CD8B2: variants seen among roughly 807,000 people sequenced by gnomAD.
The protein encoded by CD8B2 is CD8B family member 2, also known as T-cell surface glycoprotein CD8 beta-2 chain.
Under a neutral mutation model 23.7 loss-of-function variants are expected in CD8B2, and 11 were observed. The ratio of observed to expected loss-of-function variants is 0.46; its 90% CI spans 0.29 to 0.77. The LOEUF is 0.77. CD8B2 is among the 30% of genes least tolerant of loss of function. The pLI, the probability that CD8B2 is intolerant of heterozygous loss-of-function variation, is 0.09. For synonymous variants in CD8B2, 90 were observed against 109.3 expected, an observed-to-expected ratio of 0.82 and a Z score of 1.10; for missense variants, 197 against 270.5, an observed-to-expected ratio of 0.73 and a Z score of 1.91.
At chr2:106,492,912 T>C (rs1679221145) in intron 2 of CD8B2, among the ~76,000 whole-genome samples, 1 of 151,992 alleles carries the variant, frequency 6.6e-6, no homozygotes, top group Admixed American at 6.6e-5. Flanking sequence ...GGGTTTGGGG[T>C]TTGGCTTTAG....
At chr2:106,497,011 A>T (rs1036212477) in intron 3 of CD8B2, among the ~76,000 whole-genome samples, 6 of 152,240 alleles carry the variant, frequency 3.9e-5, no homozygotes, top group Admixed American at 2.0e-4. Flanking sequence ...GTGGTGGCTC[A>T]CACCTGTAAT....
chr2:106,494,477 T>C (rs79211938), intron 2 of CD8B2, among the ~76,000 whole-genome samples: 10,377 of 151,278 alleles, frequency 0.069, 379 homozygotes, highest in Middle Eastern at 0.13. Flanking sequence ...CTTTTCTTTT[T>C]TTTTTTCTGT....
intron 5 of CD8B2, among the ~76,000 whole-genome samples, chr2:106,536,326 C>A (rs1210604676): frequency 6.6e-6 from 1 of 152,156 alleles, no homozygotes; most frequent in Non-Finnish European, 1.5e-5. Flanking sequence ...ACCACTGCGC[C>A]TGGCCACCAC....
intron 2 of CD8B2, among the ~76,000 whole-genome samples, chr2:106,495,875 T>G (rs1679289628): frequency 6.6e-6 from 1 of 152,208 alleles, no homozygotes; most frequent in South Asian, 2.1e-4. Context: ...CATGGCTCAC[T>G]TCAGCCTTGA....
chr2:106,493,769 T>G (rs995725205), intron 2 of CD8B2, among the ~76,000 whole-genome samples: 1 of 152,184 alleles, frequency 6.6e-6, no homozygotes, highest in African/African-American at 2.4e-5. Flanking sequence ...GGTTCTAGAA[T>G]CAAGGTCTTT....
At chr2:106,536,012 A>G (rs1431065377) in intron 5 of CD8B2, among the ~76,000 whole-genome samples, 1 of 147,192 alleles carries the variant, frequency 6.8e-6, no homozygotes, top group Non-Finnish European at 1.5e-5. Flanking sequence ...GAGAGAGAAG[A>G]GGCAGGTGCC....
At chr2:106,521,076 T>C (rs1156910806) in intron 5 of CD8B2, among the ~76,000 whole-genome samples, 1 of 147,066 alleles carries the variant, frequency 6.8e-6, no homozygotes, top group Non-Finnish European at 1.5e-5. Context: ...GAGAGACAGA[T>C]GCGAGAATGG....
chr2:106,516,958 T>C (rs1679738796), intron 5 of CD8B2, among the ~76,000 whole-genome samples: 1 of 148,104 alleles, frequency 6.8e-6, no homozygotes, highest in South Asian at 2.1e-4. Flanking sequence ...TGTACTTATA[T>C]AATATATAAT....
At chr2:106,532,526 A>G (rs1216745485) in intron 5 of CD8B2, among the ~76,000 whole-genome samples, 4 of 152,250 alleles carry the variant, frequency 2.6e-5, no homozygotes, top group African/African-American at 9.6e-5. Context: ...TGGCTGCTCC[A>G]TAGGCAGAGT....
At chr2:106,511,878 G>T (rs1328804568), downstream of CD8B2, among the ~76,000 whole-genome samples, 1 of 152,198 alleles carries the variant, frequency 6.6e-6, no homozygotes, top group African/African-American at 2.4e-5. Flanking sequence ...GAGATTCACA[G>T]AAATATGCAC....
At chr2:106,532,658 C>T (rs557807328) in intron 5 of CD8B2, among the ~76,000 whole-genome samples, 5 of 152,222 alleles carry the variant, frequency 3.3e-5, no homozygotes, top group South Asian at 2.1e-4. Context: ...CTGAGAATTC[C>T]TTCCATTTTT....
At chr2:106,512,386 A>G (rs1163640694), downstream of CD8B2, among the ~76,000 whole-genome samples, 1 of 151,674 alleles carries the variant, frequency 6.6e-6, no homozygotes, top group African/African-American at 2.4e-5. Flanking sequence ...CTTTTCATGC[A>G]TTTTTAATTG....
downstream of CD8B2, among the ~76,000 whole-genome samples, chr2:106,515,836 T>C (rs1679721373): frequency 6.6e-6 from 1 of 151,964 alleles, no homozygotes; most frequent in Non-Finnish European, 1.5e-5. Context: ...CCTCTTTTTT[T>C]TTTTGAGATG....
chr2:106,543,996 A>G, exon 6 of CD8B2: 3 of 398,668 alleles, frequency 7.5e-6, no homozygotes, highest in Non-Finnish European at 1.3e-5. Context: ...TTCCAGACCC[A>G]GATCTTGTGA....
At chr2:106,531,752 C>T (rs1283657875) in intron 5 of CD8B2, among the ~76,000 whole-genome samples, 1 of 152,204 alleles carries the variant, frequency 6.6e-6, no homozygotes, top group Non-Finnish European at 1.5e-5. Context: ...GAACAGCCAG[C>T]ACAGATTCTT....
At chr2:106,518,488 A>G (rs947610117) in intron 5 of CD8B2, among the ~76,000 whole-genome samples, 2 of 152,210 alleles carry the variant, frequency 1.3e-5, no homozygotes, top group African/African-American at 4.8e-5. Context: ...TCTTTACTTA[A>G]TCAACTCATA....
chr2:106,496,131 T>C (rs1679294940), intron 2 of CD8B2, 42 bp from the exon 3 acceptor site: 23 of 1,548,410 alleles, frequency 1.5e-5, no homozygotes, highest in Admixed American at 1.2e-4. Flanking sequence ...GTCCACGTGG[T>C]GTTCACTTGG....
At chr2:106,513,391 G>A (rs202027979), downstream of CD8B2, among the ~76,000 whole-genome samples, 2,221 of 121,768 alleles carry the variant, frequency 0.018, no homozygotes, top group Admixed American at 0.024. Flanking sequence ...CTGCAGCCTC[G>A]TGCCAGCCCC....
At chr2:106,536,137 C>T (rs1287342283) in intron 5 of CD8B2, among the ~76,000 whole-genome samples, 1 of 150,980 alleles carries the variant, frequency 6.6e-6, no homozygotes, top group Admixed American at 6.6e-5. Flanking sequence ...AGGGTTCAAG[C>T]GATTCTCCTG....
Sources: allele counts gnomAD v4.1 joint callset (sites outside exome capture counted in the v4.1 genomes callset), GRCh38; gene constraint gnomAD v4.1.1; transcripts MANE v1.5; gene names NCBI Gene and HGNC (gene_info 2026-07-23, HGNC 2026-07-21).